The following AAK1 variants were observed in gnomAD, a reference collection of about 807,000 sequenced individuals.
AAK1 encodes AP2 associated kinase 1, also known as AP2-associated protein kinase 1.
A neutral mutation model predicts 116.0 loss-of-function variants in AAK1; 37 were observed. The observed-to-expected ratio is 0.32, with a 90% CI of 0.25 to 0.42. The LOEUF is 0.42. Ranked by LOEUF, AAK1 falls within the 10% of genes least tolerant of loss-of-function variation. The probability of loss-of-function intolerance (pLI) is 1.00; values close to 1 mark genes in which losing one functional copy is unlikely to be tolerated. For synonymous variants in AAK1, 458 were observed against 439.9 expected (o/e 1.04, Z -0.51); for missense variants, 919 against 1,170.6 (o/e 0.79, Z 3.14).
intron 3 of AAK1, among the ~76,000 whole-genome samples, chr2:69,550,379 AC>A (rs1572947684): frequency 1.3e-5 from 2 of 152,128 alleles, no homozygotes; most frequent in African/African-American, 2.4e-5. Context: ...ATCTCAGCTC[AC>A]TGCACCCTCT....
At chr2:69,612,703 G>A (rs1674141968) in intron 2 of AAK1, among the ~76,000 whole-genome samples, 1 of 152,168 alleles carries the variant, frequency 6.6e-6, no homozygotes, top group Non-Finnish European at 1.5e-5. Context: ...TCTCAGTGTT[G>A]TCTAAGGAGG....
intron 2 of AAK1, among the ~76,000 whole-genome samples, chr2:69,623,570 T>C (rs1573018311): frequency 6.6e-6 from 1 of 152,154 alleles, no homozygotes; most frequent in Non-Finnish European, 1.5e-5. Flanking sequence ...TGTAAGCACT[T>C]TGGGAGGCCC....
intron 2 of AAK1, among the ~76,000 whole-genome samples, chr2:69,609,615 G>A (rs1178728803): frequency 6.6e-6 from 1 of 152,150 alleles, no homozygotes; most frequent in Non-Finnish European, 1.5e-5. Context: ...AGTGAGCCGA[G>A]ATTGTGCCAT....
intron 13 of AAK1, among the ~76,000 whole-genome samples, chr2:69,512,792 C>G (rs1247204930): frequency 6.6e-6 from 1 of 152,146 alleles, no homozygotes; most frequent in African/African-American, 2.4e-5. Context: ...TAATTCATTC[C>G]CAAGGGAGTA....
At chr2:69,621,752 C>G (rs1056275171) in intron 2 of AAK1, among the ~76,000 whole-genome samples, 1 of 152,228 alleles carries the variant, frequency 6.6e-6, no homozygotes, top group African/African-American at 2.4e-5. Context: ...CTCTTTCAAC[C>G]TTCCCTCTCT....
At chr2:69,536,075 A>G (rs1002445944) in intron 5 of AAK1, among the ~76,000 whole-genome samples, 9 of 152,184 alleles carry the variant, frequency 5.9e-5, no homozygotes, top group African/African-American at 2.2e-4. Flanking sequence ...AAGTTACCTA[A>G]CTTGTCTGAG....
chr2:69,584,567 C>A (rs1355599391), intron 2 of AAK1, among the ~76,000 whole-genome samples: 1 of 152,154 alleles, frequency 6.6e-6, no homozygotes, highest in Non-Finnish European at 1.5e-5. Context: ...TCAAGCCAAT[C>A]CCCAGTTGCA....
At position 69,519,136 on chromosome 2, in the gene AAK1, G is replaced by A; in HGVS notation, c.1315C>T (p.Pro439Ser). ...GAAGGCGTCTGCTGTGGAGTGGGAG[G>A]AGCCTGTGGCTGCTTGGCCTGAGTT... is the stretch of plus-strand genomic sequence containing the variant. The part of the protein sequence containing the change: ...PQTQAKQPQA[P>S]PTPQQTPSTQ... The change falls in exon 12 of 22, where the codon CCT becomes TCT. Residue 439 changes from proline to serine, a missense_variant. This residue lies in a region of AAK1 where 214 missense variants were observed against 210.6 expected (regional missense o/e 1.02). Coordinates refer to ENST00000409085, the MANE Select transcript of AAK1 (RefSeq NM_014911.5). 3 of 1,567,552 alleles carry A rather than the reference G, an allele frequency of 1.9e-6. No individual in the cohort carries two copies. The highest frequency in any genetic ancestry group is 1.9e-5 in the Admixed American group (1 of 52,676).
At chr2:69,602,071 A>C (rs1031335859) in intron 2 of AAK1, among the ~76,000 whole-genome samples, 1 of 152,212 alleles carries the variant, frequency 6.6e-6, no homozygotes, top group African/African-American at 2.4e-5. Flanking sequence ...AGGGAACATC[A>C]AAATCACTCA....
chr2:69,608,503 A>T (rs1461136864), intron 2 of AAK1, among the ~76,000 whole-genome samples: 1 of 152,274 alleles, frequency 6.6e-6, no homozygotes, highest in African/African-American at 2.4e-5. Context: ...CAGTGTAACT[A>T]TGATACTTAA....
intron 2 of AAK1, among the ~76,000 whole-genome samples, chr2:69,611,303 C>T (rs1674069467): frequency 6.6e-6 from 1 of 152,240 alleles, no homozygotes; most frequent in South Asian, 2.1e-4. Context: ...GCTTCCTCTC[C>T]TCCTGCCCTT....
intron 2 of AAK1, among the ~76,000 whole-genome samples, chr2:69,560,531 G>A (rs1490926177): frequency 1.3e-5 from 2 of 152,234 alleles, no homozygotes; most frequent in African/African-American, 4.8e-5. Flanking sequence ...AATCTCATCT[G>A]TGAATCTATT....
intron 16 of AAK1, among the ~76,000 whole-genome samples, chr2:69,498,416 T>A (rs1675838283): frequency 6.6e-6 from 1 of 151,804 alleles, no homozygotes; most frequent in South Asian, 2.1e-4. Flanking sequence ...TGCTCTGGGG[T>A]CTACTGGGCA....
chr2:69,595,247 G>A (rs1473217814), intron 2 of AAK1, among the ~76,000 whole-genome samples: 2 of 152,094 alleles, frequency 1.3e-5, no homozygotes, highest in Non-Finnish European at 1.5e-5. Flanking sequence ...TGAGTAGCTG[G>A]GATTACAGGC....
chr2:69,475,761 C>A lies in AAK1; in HGVS notation c.*108G>T. ...GGGTAGGAGAAAAGGGCTGGAGGGCCCCTTATTTGCAGATTTTTTTAAAAA... is the reference window on the plus strand; with the variant it reads ...GGGTAGGAGAAAAGGGCTGGAGGGCACCTTATTTGCAGATTTTTTTAAAAA... On this transcript the variant is annotated 3_prime_UTR_variant, in exon 22 of 22. Coordinates refer to ENST00000409085, the MANE Select transcript of AAK1 (RefSeq NM_014911.5). The A allele has an allele frequency of 1.1e-5, 17 of 1,481,420 alleles. No homozygotes were observed. The highest frequency in any genetic ancestry group is 1.4e-5 in the Non-Finnish European group (15 of 1,109,054). 91.8% of individuals were successfully genotyped at this position (1,481,420 alleles called of 1,614,324 possible).
chr2:69,479,034 A>G lies in AAK1; in HGVS notation c.2597T>C (p.Leu866Pro), dbSNP rs1459661718. The G allele has an allele frequency of 6.2e-7, 1 of 1,613,878 alleles. No homozygotes were observed. The highest frequency in any genetic ancestry group is 1.1e-5 in the South Asian group (1 of 91,078). Reference protein sequence around the residue: ...TDSLTGEDSLLDCSLLSNPTT... With the variant: ...TDSLTGEDSLPDCSLLSNPTT... ...AGGGTTAGAGAGCAGAGAGCAATCA[A>G]GCAGGGAATCTTCCCCGGTGAGAGA... Residue 866 changes from leucine (L) to proline (P), a missense_variant, in exon 20 of 22, where the codon CTT (leucine) becomes CCT (proline). Physicochemically the swap from Leu to Pro is moderately conservative, Grantham distance 98. This residue lies in a region of AAK1 where 263 missense variants were observed against 285.5 expected (regional missense o/e 0.92). Transcript: ENST00000409085.
At chr2:69,632,997 C>A (rs1675264725) in intron 2 of AAK1, among the ~76,000 whole-genome samples, 3 of 151,388 alleles carry the variant, frequency 2.0e-5, no homozygotes, top group Admixed American at 2.0e-4. Context: ...CAGGCCACTG[C>A]ACTACAGCCT....
intron 16 of AAK1, chr2:69,499,789 T>C (rs1647180608): frequency 6.6e-6 from 1 of 152,222 alleles, no homozygotes; most frequent in Non-Finnish European, 1.5e-5. Flanking sequence ...GTAAGTCATA[T>C]TTGAAAAAAA....
chr2:69,557,017 T>C (rs1316173615), intron 2 of AAK1, 39 bp from the exon 3 acceptor site: 2 of 1,517,184 alleles, frequency 1.3e-6, no homozygotes, highest in African/African-American at 1.4e-5. Flanking sequence ...TGAGTCAATG[T>C]TCAAAAAGTC....
Sources: gnomAD v4.1 joint callset for allele counts (sites outside exome capture counted in the v4.1 genomes callset) on GRCh38, gnomAD v4.1.1 for gene constraint, gnomAD v4.1.1 regional missense constraint, MANE v1.5 for transcripts, NCBI Gene and HGNC (gene_info 2026-07-23, HGNC 2026-07-21) for gene names.